Variants in LYN observed in about 807,000 individuals in gnomAD.
The protein encoded by LYN is tyrosine-protein kinase Lyn.
Under a neutral mutation model 65.0 loss-of-function variants are expected in LYN, and 12 were observed. That is an observed-to-expected ratio of 0.18 (90% CI 0.12 to 0.30). LYN has a LOEUF of 0.30. LYN is among the 10% of genes least tolerant of loss of function. LYN has a pLI of 1.00. For synonymous variants in LYN, 222 were observed against 221.2 expected, an observed-to-expected ratio of 1.00 and a Z score of -0.03; for missense variants, 380 against 623.2, an observed-to-expected ratio of 0.61 and a Z score of 4.16.
chr8:55,977,844 G>A (rs1043362521), intron 10 of LYN, among the ~76,000 whole-genome samples: 9 of 151,874 alleles, frequency 5.9e-5, no homozygotes, highest in South Asian at 4.2e-4. Context: ...GATCGAACCC[G>A]GGAAGTTGAG....
At chr8:55,956,188 C>T (rs1185327066) in intron 8 of LYN, among the ~76,000 whole-genome samples, 1 of 152,042 alleles carries the variant, frequency 6.6e-6, no homozygotes, top group African/African-American at 2.4e-5. Flanking sequence ...CAGAATGGGG[C>T]AGGAATAGTA....
intron 1 of LYN, among the ~76,000 whole-genome samples, chr8:55,921,555 G>A (rs2130433556): frequency 6.6e-6 from 1 of 152,316 alleles, no homozygotes; most frequent in East Asian, 1.9e-4. Context: ...GTGGGCTGCT[G>A]GAGACCAGGC....
intron 1 of LYN, among the ~76,000 whole-genome samples, chr8:55,905,694 G>A (rs895593634): frequency 6.6e-6 from 1 of 152,146 alleles, no homozygotes; most frequent in Non-Finnish European, 1.5e-5. Flanking sequence ...AGGCCTATGG[G>A]ATGGGCAGGG....
intron 1 of LYN, among the ~76,000 whole-genome samples, chr8:55,907,059 T>G (rs1200528587): frequency 6.6e-6 from 1 of 152,164 alleles, no homozygotes; most frequent in East Asian, 1.9e-4. Flanking sequence ...ATCTACCTCA[T>G]GACCAAGGAA....
rs141795927 is a variant in LYN at position 55,903,139 on chromosome 8, G to A, written c.-6+23036G>A. Among the ~76,000 whole-genome samples the A allele has an allele frequency of 1.1e-4, 17 of 152,212 alleles. No homozygotes were observed. In the East Asian group the frequency reaches 3.3e-3, roughly 29 times the overall value. The stretch of plus-strand genomic sequence containing the variant: ...TGGGATTACATGCGTGAGCCACTGC[G>A]CCCGGCCTACGCCCAGCTAATTTTT... On this transcript the variant is annotated intron_variant, in intron 1 of 12. Coordinates refer to ENST00000519728, the MANE Select transcript of LYN (RefSeq NM_002350.4).
chr8:55,899,997 A>G (rs1012823659), intron 1 of LYN, among the ~76,000 whole-genome samples: 2 of 151,632 alleles, frequency 1.3e-5, no homozygotes, highest in African/African-American at 4.9e-5. Flanking sequence ...ATGTCATGTC[A>G]CTGTACGAGG....
intron 1 of LYN, chr8:55,893,815 A>G (rs1805018197): frequency 6.6e-6 from 1 of 151,794 alleles, no homozygotes; most frequent in Non-Finnish European, 1.5e-5. Flanking sequence ...TTTTAGAAGC[A>G]AGATCTCACT....
At chr8:55,981,564 T>C (rs957023253) in intron 10 of LYN, among the ~76,000 whole-genome samples, 1 of 152,226 alleles carries the variant, frequency 6.6e-6, no homozygotes, top group Non-Finnish European at 1.5e-5. Context: ...CTACATTGTT[T>C]AGGCTGGTCT....
At chr8:56,001,844 C>T (rs971801602) in intron 12 of LYN, among the ~76,000 whole-genome samples, 2 of 152,078 alleles carry the variant, frequency 1.3e-5, no homozygotes, top group Non-Finnish European at 2.9e-5. Flanking sequence ...TACCATGGCC[C>T]CTGAGGCTTG....
chr8:55,998,159 G>A (rs972071038), intron 10 of LYN, among the ~76,000 whole-genome samples, 187 bp from the exon 11 acceptor site: 1 of 151,878 alleles, frequency 6.6e-6, no homozygotes, highest in Non-Finnish European at 1.5e-5. Flanking sequence ...ATTTGGCAGA[G>A]GGTGGTCAGT....
intron 1 of LYN, among the ~76,000 whole-genome samples, chr8:55,939,462 AAG>A (rs111951441): frequency 4.0e-3 from 594 of 147,024 alleles, no homozygotes; most frequent in Admixed American, 4.9e-3. Flanking sequence ...TTCCCAAGAG[AAG>A]AGAGAGAGAG....
In LYN at chr8:55,999,268, C is replaced by T. The variant is rs375370530; in HGVS notation, c.1205-150C>T. The T allele has an allele frequency of 8.8e-4, 530 of 605,060 alleles. 4 individuals are homozygous for T. The South Asian group carries it at 0.011, about 12-fold the overall frequency. The allele number at this position is 605,060 out of a possible 1,614,324, so 37.5% of individuals were successfully genotyped here. A position where few individuals can be genotyped will look rare whatever the true frequency, so the allele number is the denominator to read the frequency against. ...CTGGGAGGTGAAGGTTGCAGTGAGCCGAGATCGCATCATTACATTCCAGCC... is the reference window on the plus strand; with the variant it reads ...CTGGGAGGTGAAGGTTGCAGTGAGCTGAGATCGCATCATTACATTCCAGCC... On this transcript the variant is annotated intron_variant, in intron 11 of 12. Coordinates refer to ENST00000519728, the MANE Select transcript of LYN (RefSeq NM_002350.4).
At chr8:55,922,256 G>T (rs1245867908) in intron 1 of LYN, among the ~76,000 whole-genome samples, 1 of 151,920 alleles carries the variant, frequency 6.6e-6, no homozygotes, top group Non-Finnish European at 1.5e-5. Context: ...CCCAGCTAAT[G>T]TGTTTAAATT....
chr8:55,943,368 G>A (rs1427949129), intron 2 of LYN, among the ~76,000 whole-genome samples: 2 of 152,046 alleles, frequency 1.3e-5, no homozygotes, highest in East Asian at 1.9e-4. Context: ...ACAAGGTCAG[G>A]AGTTTGAGAC....
At chr8:55,893,810 G>A (rs1272117761) in intron 1 of LYN, 1 of 146,438 alleles carries the variant, frequency 6.8e-6, no homozygotes, top group African/African-American at 2.5e-5. Context: ...TTTTTTTTTA[G>A]AAGCAAGATC....
intron 10 of LYN, among the ~76,000 whole-genome samples, chr8:55,987,493 C>T (rs945431828): frequency 3.9e-5 from 6 of 152,096 alleles, no homozygotes; most frequent in African/African-American, 1.4e-4. Context: ...TGCAGTGGTG[C>T]AGTCTTGTCT....
At chr8:55,962,269 A>T (rs1285312923) in intron 8 of LYN, among the ~76,000 whole-genome samples, 1 of 151,092 alleles carries the variant, frequency 6.6e-6, no homozygotes, top group African/African-American at 2.4e-5. Context: ...TCTTCATCCT[A>T]TGTTGTGTTG....
chr8:55,930,681 A>G (rs1254721211), intron 1 of LYN, among the ~76,000 whole-genome samples: 1 of 152,154 alleles, frequency 6.6e-6, no homozygotes, highest in Non-Finnish European at 1.5e-5. Context: ...CTCAACTAAG[A>G]GTTATGCAAA....
chr8:55,985,401 A>G (rs1808049296), intron 10 of LYN, among the ~76,000 whole-genome samples: 1 of 152,194 alleles, frequency 6.6e-6, no homozygotes, highest in African/African-American at 2.4e-5. Flanking sequence ...AACACATGGT[A>G]TTTTGAAAAC....
Sources: allele counts gnomAD v4.1 joint callset (sites outside exome capture counted in the v4.1 genomes callset), GRCh38; gene constraint gnomAD v4.1.1; transcripts MANE v1.5; gene names NCBI Gene and HGNC (gene_info 2026-07-23, HGNC 2026-07-21).